Variants in TBC1D1 observed in about 807,000 individuals in gnomAD.
TBC1D1 encodes the protein TBC1 domain family member 1.
In TBC1D1, 89 loss-of-function variants were observed where a neutral mutation model predicts 125.6. The observed-to-expected ratio is 0.71, with a 90% CI of 0.60 to 0.85. The LOEUF is 0.85. Ranked by LOEUF, TBC1D1 falls within the 40% of genes least tolerant of loss-of-function variation. The pLI is 0.00. For missense variants in TBC1D1, 1,377 were observed against 1,469.2 expected (o/e 0.94, Z 1.03); for synonymous variants, 565 against 564.1 (o/e 1.00, Z -0.02).
At chr4:38,103,300 C>G (rs761409467) in intron 15 of TBC1D1, 143 bp downstream of exon 17, 32 of 800,136 alleles carry the variant, frequency 4.0e-5, no homozygotes, top group Non-Finnish European at 5.8e-5. Flanking sequence ...TTAAAAAGCC[C>G]TAGGGTAATC....
chr4:37,897,347 A>G (rs930060538), intron 1 of TBC1D1, among the ~76,000 whole-genome samples: 10 of 152,192 alleles, frequency 6.6e-5, no homozygotes, highest in African/African-American at 2.4e-4. Context: ...GTAGATATTC[A>G]CCTGATCTAA....
chr4:38,026,941 G>C (rs543215130), intron 6 of TBC1D1, among the ~76,000 whole-genome samples: 1 of 152,350 alleles, frequency 6.6e-6, no homozygotes, highest in South Asian at 2.1e-4. Context: ...AATTTTCCGT[G>C]ATGGGAACCT....
chr4:38,088,575 T>C (rs750386729), intron 12 of TBC1D1, among the ~76,000 whole-genome samples: 2 of 152,168 alleles, frequency 1.3e-5, no homozygotes, highest in African/African-American at 2.4e-5. Flanking sequence ...GGGCTTACAG[T>C]TGAGTAGCTG....
intron 2 of TBC1D1, among the ~76,000 whole-genome samples, chr4:37,987,731 A>G (rs925794310): frequency 3.3e-5 from 5 of 152,248 alleles, no homozygotes; most frequent in African/African-American, 9.6e-5. Flanking sequence ...AGACAATTCA[A>G]TGATAGACCG....
At chr4:38,026,321 C>T (rs1745076132) in intron 6 of TBC1D1, among the ~76,000 whole-genome samples, 1 of 152,246 alleles carries the variant, frequency 6.6e-6, no homozygotes, top group South Asian at 2.1e-4. Flanking sequence ...GTTGTGGGCT[C>T]TGCCTCAGCT....
chr4:38,066,118 G>A (rs1484882646), intron 12 of TBC1D1, among the ~76,000 whole-genome samples: 1 of 152,158 alleles, frequency 6.6e-6, no homozygotes, highest in Non-Finnish European at 1.5e-5. Context: ...AAATTATCAA[G>A]AGTTTTGATA....
chr4:38,044,557 A>G (rs1749041875), intron 9 of TBC1D1, 67 bp downstream of exon 9: 5 of 1,483,316 alleles, frequency 3.4e-6, no homozygotes, highest in South Asian at 2.7e-5. Flanking sequence ...ATTGAGTTCT[A>G]TGCTTTTATT....
chr4:38,086,209 A>G (rs1481741187), intron 12 of TBC1D1, among the ~76,000 whole-genome samples: 1 of 152,226 alleles, frequency 6.6e-6, no homozygotes, highest in African/African-American at 2.4e-5. Context: ...GATAAAAGAG[A>G]TACGTTTTTG....
chr4:37,919,504 T>G (rs1720471423), intron 2 of TBC1D1, among the ~76,000 whole-genome samples: 1 of 152,012 alleles, frequency 6.6e-6, no homozygotes, highest in Non-Finnish European at 1.5e-5. Context: ...ATATTTTAAT[T>G]TGATCACAGT....
intron 1 of TBC1D1, among the ~76,000 whole-genome samples, chr4:37,900,405 ATC>A (rs869185580): frequency 1.3e-4 from 12 of 88,980 alleles, no homozygotes; most frequent in African/African-American, 4.1e-4. Context: ...CAAAGGAAAT[ATC>A]TTTTTTTTTT....
intron 2 of TBC1D1, among the ~76,000 whole-genome samples, chr4:37,949,394 C>A (rs1013744178): frequency 3.3e-5 from 5 of 152,176 alleles, no homozygotes; most frequent in Non-Finnish European, 7.3e-5. Context: ...ATAATTCTTA[C>A]ACTATTCTGT....
intron 2 of TBC1D1, among the ~76,000 whole-genome samples, chr4:38,012,982 A>G (rs1741839554): frequency 6.6e-6 from 1 of 151,856 alleles, no homozygotes; most frequent in African/African-American, 2.4e-5. Flanking sequence ...TTTAGTAGAG[A>G]CGGGGTTTCA....
chr4:37,948,556 G>T (rs1017022347), intron 2 of TBC1D1, among the ~76,000 whole-genome samples: 1 of 150,572 alleles, frequency 6.6e-6, no homozygotes, highest in Non-Finnish European at 1.5e-5. Flanking sequence ...GAACCTGGGA[G>T]GTGGGGGTTG....
At chr4:38,126,208 T>G (rs1199705449) in intron 18 of TBC1D1, among the ~76,000 whole-genome samples, 1 of 152,126 alleles carries the variant, frequency 6.6e-6, no homozygotes, top group African/African-American at 2.4e-5. Context: ...TAACTAAACA[T>G]AGAAAAGGTA....
chr4:38,014,717 C>T lies in TBC1D1; in HGVS notation c.626C>T (p.Ser209Phe). 1.2e-6 allele frequency: 2 copies of T among 1,612,276 alleles called. No individual in the cohort carries two copies. The change falls in exon 3 of 20, where the codon TCC (serine) becomes TTC (phenylalanine). Residue 209 changes from serine (S) to phenylalanine (F), a missense_variant. Transcript: ENST00000261439. This position sits in a 1 kb window ranked among gnomAD's most constrained non-coding sequence, Gnocchi z 5.1. ...AATCACGTCAGCGGCAGCCGGGGGT[C>T]CGAGAGCCCCCGCCCCAACCCGCCC...
chr4:38,046,363 C>G (rs1256224976), intron 10 of TBC1D1, among the ~76,000 whole-genome samples: 1 of 144,514 alleles, frequency 6.9e-6, no homozygotes, highest in African/African-American at 2.7e-5. Context: ...CAGAGAGAGA[C>G]TCTGTGTAAA....
intron 15 of TBC1D1, among the ~76,000 whole-genome samples, chr4:38,113,643 T>C (rs1243086978): frequency 6.6e-6 from 1 of 152,198 alleles, no homozygotes; most frequent in Non-Finnish European, 1.5e-5. Context: ...GGGGAAGTGC[T>C]CCATCTTCTT....
At chr4:38,130,832 C>G (rs945754335) in intron 18 of TBC1D1, among the ~76,000 whole-genome samples, 4 of 152,126 alleles carry the variant, frequency 2.6e-5, no homozygotes, top group East Asian at 1.9e-4. Flanking sequence ...GACAACATAC[C>G]AAAGGATTGG....
At chr4:38,027,046 T>G (rs1003808912) in intron 6 of TBC1D1, among the ~76,000 whole-genome samples, 1 of 152,172 alleles carries the variant, frequency 6.6e-6, no homozygotes, top group Non-Finnish European at 1.5e-5. Flanking sequence ...ACACAAGAAT[T>G]TATCATTTTC....
Sources: gnomAD v4.1 joint callset for allele counts (sites outside exome capture counted in the v4.1 genomes callset) on GRCh38, gnomAD v4.1.1 for gene constraint, Gnocchi (gnomAD v3.1) non-coding constraint, MANE v1.5 for transcripts, NCBI Gene and HGNC (gene_info 2026-07-23, HGNC 2026-07-21) for gene names.